HECW2: variants seen among roughly 807,000 people sequenced by gnomAD.
HECW2 encodes HECT, C2 and WW domain containing E3 ubiquitin protein ligase 2.
HECW2 carries 61 observed loss-of-function variants against 175.2 expected under a neutral mutation model. The ratio of observed to expected loss-of-function variants is 0.35; its 90% confidence interval spans 0.28 to 0.43. The LOEUF is 0.43. HECW2 is among the 20% of genes least tolerant of loss of function. The pLI, the probability that HECW2 is intolerant of heterozygous loss-of-function variation, is 1.00. For missense variants in HECW2, 1,524 were observed against 2,000.5 expected (o/e 0.76, Z 4.54); for synonymous variants, 671 against 731.0 (o/e 0.92, Z 1.32).
At chr2:196,503,681 A>G (rs1687651078) in intron 1 of HECW2, among the ~76,000 whole-genome samples, 1 of 152,156 alleles carries the variant, frequency 6.6e-6, no homozygotes, top group African/African-American at 2.4e-5. Context: ...AGCCCAGCAG[A>G]ATCAGGAGGG....
intron 1 of HECW2, among the ~76,000 whole-genome samples, chr2:196,514,319 C>T (rs1167639604): frequency 2.6e-5 from 4 of 152,234 alleles, no homozygotes; most frequent in Non-Finnish European, 5.9e-5. Context: ...CTGTAAAGTT[C>T]CCTTCAGACT....
chr2:196,290,695 T>C (rs938654004), intron 14 of HECW2: 3 of 152,232 alleles, frequency 2.0e-5, no homozygotes, highest in Non-Finnish European at 4.4e-5. Context: ...TTGGACCATC[T>C]GTGCCCTTCC....
chr2:196,322,668 T>A, intron 6 of HECW2, 48 bp from the exon 7 acceptor site: 1 of 1,499,668 alleles, frequency 6.7e-7, no homozygotes, highest in Non-Finnish European at 9.2e-7. Context: ...AAGACAAATA[T>A]GATACTATAT....
At chr2:196,375,042 A>G (rs1226941517) in intron 2 of HECW2, among the ~76,000 whole-genome samples, 1 of 151,734 alleles carries the variant, frequency 6.6e-6, no homozygotes, top group Non-Finnish European at 1.5e-5. Context: ...CGCACCTGTA[A>G]TCCCAGCCAC....
chr2:196,292,825 A>G, intron 13 of HECW2, 75 bp from the exon 14 acceptor site: 5 of 1,137,962 alleles, frequency 4.4e-6, no homozygotes, highest in Non-Finnish European at 6.4e-6. Flanking sequence ...ACACATGGGT[A>G]TGGCTAATCT....
intron 2 of HECW2, among the ~76,000 whole-genome samples, chr2:196,411,659 G>A (rs1486624745): frequency 6.6e-6 from 1 of 152,268 alleles, no homozygotes; most frequent in Non-Finnish European, 1.5e-5. Context: ...GGCCAACAAG[G>A]CCTTAAAGCT....
At chr2:196,558,338 G>A (rs1031816825) in intron 1 of HECW2, among the ~76,000 whole-genome samples, 9 of 152,174 alleles carry the variant, frequency 5.9e-5, no homozygotes, top group Non-Finnish European at 1.3e-4. Context: ...ACACTAATAA[G>A]TTAGGATTTT....
chr2:196,229,042 A>G (rs959155836), intron 21 of HECW2, among the ~76,000 whole-genome samples: 1 of 152,244 alleles, frequency 6.6e-6, no homozygotes, highest in Non-Finnish European at 1.5e-5. Context: ...GAGAGTAAAA[A>G]ATGCAAAGTA....
At chr2:196,591,084 G>C (rs1225654015) in intron 1 of HECW2, among the ~76,000 whole-genome samples, 1 of 152,192 alleles carries the variant, frequency 6.6e-6, no homozygotes, top group African/African-American at 2.4e-5. Context: ...GCGCAGAAAA[G>C]CTCCAGCTGG....
intron 2 of HECW2, among the ~76,000 whole-genome samples, chr2:196,379,573 T>C (rs1008564604): frequency 2.0e-5 from 3 of 151,288 alleles, no homozygotes; most frequent in African/African-American, 7.3e-5. Context: ...TAGTCCCAGC[T>C]ACTCAGGAGG....
intron 13 of HECW2, among the ~76,000 whole-genome samples, chr2:196,300,103 C>T (rs937717793): frequency 1.3e-5 from 2 of 152,062 alleles, no homozygotes; most frequent in African/African-American, 4.8e-5. Context: ...CCATAGTGGG[C>T]GTATTAACAC....
rs759875255 is a variant in HECW2, at chr2:196,220,034, T to A, written c.4408+5A>T. On this transcript the variant is annotated splice_donor_5th_base_variant and intron_variant, in intron 26 of 28. Coordinates refer to ENST00000644978, the MANE Select transcript of HECW2 (RefSeq NM_001348768.2). Reference sequence around the variant, plus strand: ...AAATCTAGCCATCTATAAATCAAATTTCACCTCCTCTATATTCTGTGTTGT... The same window carrying A: ...AAATCTAGCCATCTATAAATCAAATATCACCTCCTCTATATTCTGTGTTGT... 3 of 1,565,262 alleles carry A rather than the reference T, an allele frequency of 1.9e-6. No individual in the cohort carries two copies. In the South Asian group the frequency reaches 3.3e-5, roughly 17 times the overall value.
At chr2:196,252,313 T>C (rs974434569) in intron 19 of HECW2, among the ~76,000 whole-genome samples, 2 of 152,094 alleles carry the variant, frequency 1.3e-5, no homozygotes, top group Admixed American at 6.5e-5. Flanking sequence ...ATCTATTTCC[T>C]ACACTACTTT....
At chr2:196,212,366 T>G (rs1022835681) in intron 28 of HECW2, among the ~76,000 whole-genome samples, 7 of 152,126 alleles carry the variant, frequency 4.6e-5, no homozygotes, top group Non-Finnish European at 2.9e-5. Context: ...CCACCCTCCA[T>G]TAGGCCCCAG....
At chr2:196,271,684 C>A (rs1342090644) in intron 16 of HECW2, among the ~76,000 whole-genome samples, 1 of 152,138 alleles carries the variant, frequency 6.6e-6, no homozygotes, top group Non-Finnish European at 1.5e-5. Context: ...TTGGGAGGAT[C>A]ACTTGAGCTC....
chr2:196,433,453 A>G lies in HECW2; in HGVS notation c.-30T>C. 1 of 1,600,212 alleles carries G rather than the reference A, an allele frequency of 6.2e-7. No individual in the cohort carries two copies. The highest frequency in any genetic ancestry group is 8.5e-7 in the Non-Finnish European group (1 of 1,173,020). On this transcript the variant is annotated 5_prime_UTR_variant, in exon 2 of 29. Coordinates refer to ENST00000644978, the MANE Select transcript of HECW2 (RefSeq NM_001348768.2). ...TCTGCTTCTCTGGGATTGGCTGCCT[A>G]CAAAGCTGCAAGAGACAGATAAACA...
chr2:196,236,179 A>G (rs1229901268), intron 21 of HECW2, among the ~76,000 whole-genome samples: 1 of 152,156 alleles, frequency 6.6e-6, no homozygotes, highest in Non-Finnish European at 1.5e-5. Context: ...CACAGAATTA[A>G]CCCCATATAT....
chr2:196,592,338 G>A (rs1691228955), intron 1 of HECW2: 1 of 152,114 alleles, frequency 6.6e-6, no homozygotes, highest in African/African-American at 2.4e-5. Context: ...TCTCTGTACT[G>A]ACTCCAAAGA....
intron 1 of HECW2, among the ~76,000 whole-genome samples, chr2:196,507,558 T>C (rs1311966589): frequency 1.3e-5 from 2 of 152,282 alleles, no homozygotes; most frequent in South Asian, 2.1e-4. Flanking sequence ...CAACAAATAA[T>C]TATCCAGTTC....
Sources: gnomAD v4.1 joint callset for allele counts (sites outside exome capture counted in the v4.1 genomes callset) on GRCh38, gnomAD v4.1.1 for gene constraint, MANE v1.5 for transcripts, NCBI Gene and HGNC (gene_info 2026-07-23, HGNC 2026-07-21) for gene names.